MAP6D1: variants seen among roughly 807,000 people sequenced by gnomAD.
MAP6D1 encodes MAP6 domain containing 1, also known as MAP6 domain-containing protein 1.
In MAP6D1, 13 loss-of-function variants were observed where a neutral mutation model predicts 17.4. That is an observed-to-expected ratio of 0.75 (90% CI 0.49 to 1.19). The LOEUF is 1.19. Ranked by LOEUF, MAP6D1 falls within the 50% of genes most tolerant of loss-of-function variation. MAP6D1 has a pLI of 0.00. For synonymous variants in MAP6D1, 141 were observed against 145.7 expected, an observed-to-expected ratio of 0.97 and a Z score of 0.23; for missense variants, 313 against 312.6, an observed-to-expected ratio of 1.00 and a Z score of -0.01.
At chr3:183,817,934 C>T (rs1278013747) in intron 2 of MAP6D1, 60 bp downstream of exon 2, 14 of 1,328,782 alleles carry the variant, frequency 1.1e-5, no homozygotes, top group Admixed American at 5.4e-5. Flanking sequence ...GGCTCCTAAT[C>T]CCTACCCGGG....
Position 183,825,560 on chromosome 3 carries a change from G to C in MAP6D1, c.-13C>G. ...AGGGCCACGCCATGCCAGCCCCGGC[G>C]CCCGCCGCCCCGCTCCCGGCGCGCG... On this transcript the variant is annotated 5_prime_UTR_variant, in exon 1 of 3. Transcript: ENST00000318631. The C allele has an allele frequency of 8.3e-7, 1 of 1,202,462 alleles. No individual in the cohort carries two copies. The highest frequency in any genetic ancestry group is 4.0e-5 in the South Asian group (1 of 24,710). 74.5% of individuals were successfully genotyped at this position (1,202,462 alleles called of 1,614,324 possible). A position where few individuals can be genotyped will look rare whatever the true frequency, so the allele number is the denominator to read the frequency against.
intron 1 of MAP6D1, among the ~76,000 whole-genome samples, chr3:183,818,364 C>G (rs1313008751): frequency 1.3e-5 from 2 of 152,236 alleles, no homozygotes; most frequent in Non-Finnish European, 2.9e-5. Context: ...CTGGGCTCAC[C>G]CCGGTCCCTA....
chr3:183,825,355 G>T lies in MAP6D1; in HGVS notation c.193C>A (p.Pro65Thr). 1 of 1,439,058 alleles carries T rather than the reference G, an allele frequency of 6.9e-7. No homozygotes were observed. The allele number at this position is 1,439,058 out of a possible 1,614,324, so 89.1% of individuals were successfully genotyped here. ...AGARDSGRDV[P>T]LTQYQRDFGL... is the part of the protein sequence containing the mutation. ...AAGTCCCGCTGGTACTGAGTGAGCGGCACGTCCCGGCCGGAATCCCGGGCG... is the reference window on the plus strand; with the variant it reads ...AAGTCCCGCTGGTACTGAGTGAGCGTCACGTCCCGGCCGGAATCCCGGGCG... The change falls in exon 1 of 3, where the codon CCG (proline) becomes ACG (threonine). Residue 65 changes from proline to threonine, a missense_variant. By Grantham distance (38) the Pro-to-Thr change is conservative (BLOSUM62 -1). Transcript: ENST00000318631.
In MAP6D1 at chr3:183,817,403, G is replaced by T. The variant is rs1408851698; in HGVS notation, c.553C>A (p.Pro185Thr). 3.2e-6 allele frequency: 5 copies of T among 1,569,794 alleles called. No homozygotes were observed. The East Asian group carries it at 1.2e-4, about 37-fold the overall frequency. ...PEVRKKFTPN[P>T]SAIFQASAPR... The stretch of plus-strand genomic sequence containing the variant: ...GCTGAGGCCTGAAAGATGGCGGAGG[G>T]GTTAGGAGTGAACTTCTTCCTCACC... Residue 185 changes from proline (P) to threonine (T), a missense_variant, in exon 3 of 3, where the codon CCC becomes ACC. Transcript: ENST00000318631.
At position 183,816,958 on chromosome 3, in the gene MAP6D1, G is replaced by A. The variant is rs181105166; in HGVS notation, c.*398C>T. The A allele has an allele frequency of 5.9e-5, 13 of 219,278 alleles. No homozygotes were observed. In the East Asian group the frequency reaches 1.8e-3, roughly 31 times the overall value. The allele number at this position is 219,278 out of a possible 1,614,324, so 13.6% of individuals were successfully genotyped here. ...GTTATGAAATTAATCAAGTGCTCAC[G>A]CATCCTGGGAAATCCACCAAAAGTG... On this transcript the variant is annotated 3_prime_UTR_variant, in exon 3 of 3. Coordinates refer to ENST00000318631, the MANE Select transcript of MAP6D1 (RefSeq NM_024871.4).
At position 183,816,000 on chromosome 3, in the gene MAP6D1, C is replaced by CTCT. The variant is rs1228259851; in HGVS notation, c.*1353_*1355dup. ...AGACACCCAGCAGGCAGCCTCTTTT[C>CTCT]TCTTAGAAAAATCAAACATGCAAGC... On this transcript the variant is annotated 3_prime_UTR_variant, in exon 3 of 3. Transcript: ENST00000318631. 6.6e-6 allele frequency: 1 copy of CTCT among 152,250 alleles called. No individual in the cohort carries two copies. Among genetic ancestry groups the CTCT allele is most frequent in the Non-Finnish European group, 1.5e-5 (1 of 68,050 alleles). 9.4% of individuals were successfully genotyped at this position (152,250 alleles called of 1,614,324 possible).
Position 183,825,455 on chromosome 3 carries a change from G to A in MAP6D1, c.93C>T (p.His31=), listed in dbSNP as rs1458921766. 2.8e-6 allele frequency: 4 copies of A among 1,436,174 alleles called. No homozygotes were observed. In the East Asian group the frequency reaches 9.2e-5, roughly 33 times the overall value. The allele number at this position is 1,436,174 out of a possible 1,614,324, so 89.0% of individuals were successfully genotyped here. A position where few individuals can be genotyped will look rare whatever the true frequency, so the allele number is the denominator to read the frequency against. ...CCTCGCTGTCGAGGTCCGAGTAGCC[G>A]TGCAGAGTGAGCGGCACCGCCACGT... The part of the protein sequence containing the change: ...RSDVAVPLTL[H]GYSDLDSEEP... Residue 31 remains histidine, a synonymous_variant, in exon 1 of 3, where the codon CAC becomes CAT. Transcript: ENST00000318631.
chr3:183,820,766 G>T (rs1276345970), intron 1 of MAP6D1, among the ~76,000 whole-genome samples: 1 of 152,018 alleles, frequency 6.6e-6, no homozygotes, highest in African/African-American at 2.4e-5. Flanking sequence ...AATTAGCCAG[G>T]CATGGTGGCG....
chr3:183,823,460 G>T (rs1727305318), intron 1 of MAP6D1, among the ~76,000 whole-genome samples: 1 of 152,134 alleles, frequency 6.6e-6, no homozygotes, highest in African/African-American at 2.4e-5. Flanking sequence ...AATTAGCTGG[G>T]CGTGATGGCA....
chr3:183,818,172 C>A, intron 1 of MAP6D1, 61 bp from the exon 2 acceptor site: 1 of 1,404,064 alleles, frequency 7.1e-7, no homozygotes, highest in Non-Finnish European at 1.0e-6. Context: ...ACCGACTCCC[C>A]AGGGGCTGCT....
chr3:183,822,877 G>A (rs956365921), intron 1 of MAP6D1, among the ~76,000 whole-genome samples: 3 of 152,240 alleles, frequency 2.0e-5, no homozygotes, highest in Admixed American at 2.0e-4. Flanking sequence ...GGAGCTTGCA[G>A]GGAGACAGCT....
At chr3:183,822,749 G>A (rs1333730923) in intron 1 of MAP6D1, among the ~76,000 whole-genome samples, 1 of 152,222 alleles carries the variant, frequency 6.6e-6, no homozygotes, top group African/African-American at 2.4e-5. Context: ...CAGCGCTCAG[G>A]CCCTAGACTA....
chr3:183,822,874 G>T (rs1399384435), intron 1 of MAP6D1, among the ~76,000 whole-genome samples: 2 of 152,244 alleles, frequency 1.3e-5, no homozygotes, highest in Non-Finnish European at 2.9e-5. Context: ...GGTGGAGCTT[G>T]CAGGGAGACA....
rs979950733 is a variant in MAP6D1 at position 183,817,278 on chromosome 3, CCAGCCCCGCGGCA to C, written c.*65_*77del. On this transcript the variant is annotated 3_prime_UTR_variant, in exon 3 of 3. Transcript: ENST00000318631. ...GCAGGGGCCCATGCCATGCTCTCGC[CCAGCCCCGCGGCA>C]GTGGGTCCTGAGGCCGCTCCCCAGC... is the stretch of plus-strand genomic sequence containing the variant. 7.0e-7 allele frequency: 1 copy of C among 1,426,666 alleles called. No homozygotes were observed. Among genetic ancestry groups the C allele is most frequent in the Non-Finnish European group, 9.6e-7 (1 of 1,036,496 alleles). The allele number at this position is 1,426,666 out of a possible 1,614,324, so 88.4% of individuals were successfully genotyped here.
chr3:183,820,538 G>A (rs1727220558), intron 1 of MAP6D1: 1 of 152,386 alleles, frequency 6.6e-6, no homozygotes, highest in East Asian at 1.9e-4. Context: ...GGGCAAGGCG[G>A]GCAGATCATG....
At chr3:183,819,349 C>T (rs949181445) in intron 1 of MAP6D1, among the ~76,000 whole-genome samples, 2 of 152,228 alleles carry the variant, frequency 1.3e-5, no homozygotes, top group African/African-American at 4.8e-5. Context: ...GTTCCTCCTG[C>T]GGAAGCAGGT....
chr3:183,820,380 C>G (rs1442733733), intron 1 of MAP6D1: 1 of 152,318 alleles, frequency 6.6e-6, no homozygotes, highest in African/African-American at 2.4e-5. Flanking sequence ...TCAAGTTCAA[C>G]AGTGATCCTG....
At position 183,825,357 on chromosome 3, in the gene MAP6D1, A is replaced by G; in HGVS notation, c.191T>C (p.Val64Ala). Residue 64 changes from valine (V) to alanine (A), a missense_variant, in exon 1 of 3, where the codon GTG becomes GCG. By Grantham distance (64) the Val-to-Ala change is moderately conservative (BLOSUM62 0). Transcript: ENST00000318631. ...GTCCCGCTGGTACTGAGTGAGCGGC[A>G]CGTCCCGGCCGGAATCCCGGGCGCC... ...PAGARDSGRDVPLTQYQRDFG... is the reference protein window; with the variant it reads ...PAGARDSGRDAPLTQYQRDFG... 1 of 1,439,712 alleles carries G rather than the reference A, an allele frequency of 6.9e-7. No individual in the cohort carries two copies. The highest frequency in any genetic ancestry group is 9.1e-7 in the Non-Finnish European group (1 of 1,097,588). The allele number at this position is 1,439,712 out of a possible 1,614,324, so 89.2% of individuals were successfully genotyped here. A position where few individuals can be genotyped will look rare whatever the true frequency, so the allele number is the denominator to read the frequency against.
chr3:183,824,810 C>T (rs1727338875), intron 1 of MAP6D1, among the ~76,000 whole-genome samples: 1 of 152,232 alleles, frequency 6.6e-6, no homozygotes, highest in Non-Finnish European at 1.5e-5. Context: ...CACGGCTAGG[C>T]CCGGCGGTGG....
Sources: allele counts gnomAD v4.1 joint callset (sites outside exome capture counted in the v4.1 genomes callset), GRCh38; gene constraint gnomAD v4.1.1; transcripts MANE v1.5; gene names NCBI Gene and HGNC (gene_info 2026-07-23, HGNC 2026-07-21).